The following MAPK10 variants were observed in gnomAD, a reference collection of about 807,000 sequenced individuals.
MAPK10 encodes mitogen-activated protein kinase 10, also known as JNK3 alpha protein kinase.
A neutral mutation model predicts 59.3 loss-of-function variants in MAPK10; 25 were observed. The observed-to-expected ratio is 0.42, with a 90% CI of 0.31 to 0.59. MAPK10 has a LOEUF of 0.59. Ranked by LOEUF, MAPK10 falls within the 20% of genes least tolerant of loss-of-function variation. The pLI, the probability that MAPK10 is intolerant of heterozygous loss-of-function variation, is 0.15. For synonymous variants in MAPK10, 190 were observed against 200.5 expected (o/e 0.95, Z 0.44); for missense variants, 351 against 568.9 (o/e 0.62, Z 3.90).
At chr4:86,060,918 C>A (rs946658722) in intron 11 of MAPK10, among the ~76,000 whole-genome samples, 1 of 151,990 alleles carries the variant, frequency 6.6e-6, no homozygotes, top group East Asian at 1.9e-4. Flanking sequence ...TTTCACCAGA[C>A]GCATATATCT....
intron 3 of MAPK10, among the ~76,000 whole-genome samples, chr4:86,170,225 G>A (rs1321654756): frequency 1.3e-5 from 2 of 152,004 alleles, no homozygotes; most frequent in African/African-American, 4.8e-5. Context: ...AACTTTAAAT[G>A]TAAATGGACT....
intron 1 of MAPK10, among the ~76,000 whole-genome samples, chr4:86,428,384 C>T (rs1747585608): frequency 6.6e-6 from 1 of 152,030 alleles, no homozygotes; most frequent in African/African-American, 2.4e-5. Flanking sequence ...GTTTTGAACC[C>T]CTGTGCTCAA....
At chr4:86,057,549 T>C (rs950346775) in intron 11 of MAPK10, among the ~76,000 whole-genome samples, 1 of 150,046 alleles carries the variant, frequency 6.7e-6, no homozygotes, top group Non-Finnish European at 1.5e-5. Context: ...CAATAGAAAT[T>C]GCTATTAACT....
At chr4:86,431,307 T>C (rs1748015937) in intron 1 of MAPK10, among the ~76,000 whole-genome samples, 2 of 152,166 alleles carry the variant, frequency 1.3e-5, no homozygotes. Context: ...AAAGGATATA[T>C]AAACGTTATA....
At chr4:86,213,844 G>T (rs1361249099) in intron 2 of MAPK10, among the ~76,000 whole-genome samples, 1 of 152,032 alleles carries the variant, frequency 6.6e-6, no homozygotes, top group Non-Finnish European at 1.5e-5. Context: ...AATTGAATAG[G>T]AGGGAACACT....
chr4:86,168,483 C>T (rs979456000), intron 3 of MAPK10, among the ~76,000 whole-genome samples: 2 of 152,220 alleles, frequency 1.3e-5, no homozygotes, highest in African/African-American at 2.4e-5. Context: ...TGAGATCAAA[C>T]TGCAAGGTGG....
At chr4:86,313,901 C>T (rs972787120) in intron 2 of MAPK10, among the ~76,000 whole-genome samples, 7 of 151,946 alleles carry the variant, frequency 4.6e-5, no homozygotes, top group South Asian at 2.1e-4. Context: ...AGTGCAAGAA[C>T]GTTCAAAAGA....
At chr4:86,402,048 G>A (rs114642181) in intron 1 of MAPK10, among the ~76,000 whole-genome samples, 1,638 of 152,208 alleles carry the variant, frequency 0.011, 18 homozygotes, top group South Asian at 0.034. Context: ...ATGAGCACAT[G>A]ACCTGTGCTG....
At chr4:86,028,945 C>A in intron 13 of MAPK10, 1 of 499,422 alleles carries the variant, frequency 2.0e-6, no homozygotes, top group Admixed American at 3.0e-5. Flanking sequence ...TTAACATTTT[C>A]TTCAGGATTC....
chr4:86,457,085 A>T (rs950810277), upstream of MAPK10, among the ~76,000 whole-genome samples: 1 of 152,190 alleles, frequency 6.6e-6, no homozygotes, highest in African/African-American at 2.4e-5. Context: ...GATGCAGCAA[A>T]AGCATTTGAC....
At chr4:86,591,747 T>G (rs920380087) in intron 1 of MAPK10, among the ~76,000 whole-genome samples, 2 of 152,176 alleles carry the variant, frequency 1.3e-5, no homozygotes, top group African/African-American at 4.8e-5. Context: ...CAGTTGATGC[T>G]TTGGAGTTTT....
intron 2 of MAPK10, among the ~76,000 whole-genome samples, chr4:86,353,520 G>A (rs1732763606): frequency 6.6e-6 from 1 of 151,984 alleles, no homozygotes; most frequent in African/African-American, 2.4e-5. Context: ...TATTTATAAC[G>A]CTCATTGAAT....
intron 1 of MAPK10, among the ~76,000 whole-genome samples, chr4:86,413,302 C>A (rs1390109567): frequency 6.6e-6 from 1 of 152,188 alleles, no homozygotes; most frequent in African/African-American, 2.4e-5. Flanking sequence ...GGGCACCCAC[C>A]TGTATGACGT....
chr4:86,568,237 A>G (rs188046363), intron 1 of MAPK10, among the ~76,000 whole-genome samples: 134 of 152,340 alleles, frequency 8.8e-4, no homozygotes, highest in African/African-American at 3.0e-3. Context: ...TATTTTACCA[A>G]TGAGGTGAAA....
chr4:86,235,609 C>T (rs1372858725), intron 2 of MAPK10, among the ~76,000 whole-genome samples: 2 of 152,112 alleles, frequency 1.3e-5, no homozygotes, highest in Non-Finnish European at 2.9e-5. Context: ...TACTGAACAC[C>T]TCCTACTTGC....
chr4:86,132,751 A>T (rs1322943108), intron 4 of MAPK10, among the ~76,000 whole-genome samples: 1 of 152,136 alleles, frequency 6.6e-6, no homozygotes, highest in Non-Finnish European at 1.5e-5. Context: ...AACTGCGCAT[A>T]TGAGGGATCT....
chr4:86,108,501 T>A (rs189715066), intron 4 of MAPK10, among the ~76,000 whole-genome samples: 1 of 152,296 alleles, frequency 6.6e-6, no homozygotes, highest in East Asian at 1.9e-4. Flanking sequence ...ATTTCTGTAC[T>A]GTAAGAAAAT....
At chr4:86,349,157 T>G (rs1197931332) in intron 2 of MAPK10, among the ~76,000 whole-genome samples, 1 of 152,148 alleles carries the variant, frequency 6.6e-6, no homozygotes, top group Non-Finnish European at 1.5e-5. Context: ...TAAGTTAAAT[T>G]TTTCTTCTGA....
intron 2 of MAPK10, among the ~76,000 whole-genome samples, chr4:86,232,554 T>C (rs1250675492): frequency 1.3e-5 from 2 of 152,056 alleles, no homozygotes; most frequent in Non-Finnish European, 2.9e-5. Flanking sequence ...TTTGTATTTT[T>C]AGTAGAGACA....
Sources: gnomAD v4.1 joint callset for allele counts (sites outside exome capture counted in the v4.1 genomes callset) on GRCh38, gnomAD v4.1.1 for gene constraint, MANE v1.5 for transcripts, NCBI Gene and HGNC (gene_info 2026-07-23, HGNC 2026-07-21) for gene names.